Variants in PLSCR1 observed in about 807,000 individuals in gnomAD.
PLSCR1 encodes PL scramblase 1.
A neutral mutation model predicts 37.8 loss-of-function variants in PLSCR1; 17 were observed. That is an observed-to-expected ratio of 0.45 (90% CI 0.31 to 0.68). The LOEUF (loss-of-function observed/expected upper bound fraction) is 0.68. Ranked by LOEUF, PLSCR1 falls within the 30% of genes least tolerant of loss-of-function variation. The pLI is 0.06. For synonymous variants in PLSCR1, 116 were observed against 125.9 expected (o/e 0.92, Z 0.53); for missense variants, 347 against 380.9 (o/e 0.91, Z 0.74).
intron 7 of PLSCR1, among the ~76,000 whole-genome samples, chr3:146,521,068 T>C (rs1333624356): frequency 1.3e-5 from 2 of 152,052 alleles, no homozygotes; most frequent in Non-Finnish European, 2.9e-5. Flanking sequence ...AACTGGGTAG[T>C]ACATATTATA....
intron 2 of PLSCR1, among the ~76,000 whole-genome samples, chr3:146,534,854 C>T (rs1256701059): frequency 1.3e-5 from 2 of 151,946 alleles, no homozygotes; most frequent in Non-Finnish European, 2.9e-5. Context: ...CCAGCCTGGG[C>T]GACAGAGCGA....
Position 146,521,543 on chromosome 3 carries a change from C to T in PLSCR1, c.738+1G>A. ...CTTATAAACATTATGACATCTCTTA[C>T]CTCAAAATCAACATCTCCACAACAG... On this transcript the variant is annotated splice_donor_variant, in intron 7 of 8. Coordinates refer to ENST00000342435, the MANE Select transcript of PLSCR1 (RefSeq NM_021105.3). LOFTEE classifies it high-confidence loss of function. The T allele has an allele frequency of 6.2e-7, 1 of 1,611,408 alleles. No homozygotes were observed. Among genetic ancestry groups the T allele is most frequent in the Non-Finnish European group, 8.5e-7 (1 of 1,178,496 alleles).
chr3:146,522,218 A>G (rs939628939), intron 5 of PLSCR1, among the ~76,000 whole-genome samples, 165 bp from the exon 6 acceptor site: 1 of 152,112 alleles, frequency 6.6e-6, no homozygotes, highest in Non-Finnish European at 1.5e-5. Context: ...AAAATGGCAA[A>G]AAAAAGGAGA....
Position 146,523,422 on chromosome 3 carries a change from T to C in PLSCR1, c.356-1369A>G, listed in dbSNP as rs140252570. Among the ~76,000 whole-genome samples the C allele has an allele frequency of 5.0e-4, 76 of 152,362 alleles. 1 individual carries two copies. The highest frequency in any genetic ancestry group is 1.7e-3 in the African/African-American group (69 of 41,588). ...AGGGGAATATAAGAGGATTGCTGTT[T>C]ATGTGCTATGAAATTTTATATTAAA... On this transcript the variant is annotated intron_variant, in intron 5 of 8. Coordinates refer to ENST00000342435, the MANE Select transcript of PLSCR1 (RefSeq NM_021105.3).
chr3:146,536,329 G>A (rs2587021), intron 2 of PLSCR1, among the ~76,000 whole-genome samples: 1 of 151,892 alleles, frequency 6.6e-6, no homozygotes, highest in African/African-American at 2.4e-5. Flanking sequence ...AAAGGCTTTC[G>A]TATTTTTAAT....
chr3:146,531,866 G>C (rs185279654), intron 3 of PLSCR1, among the ~76,000 whole-genome samples: 33 of 152,092 alleles, frequency 2.2e-4, no homozygotes, highest in Middle Eastern at 3.4e-3. Context: ...TTACCTATAC[G>C]AATTTTTTTT....
At chr3:146,535,224 C>T (rs1337214720) in intron 2 of PLSCR1, among the ~76,000 whole-genome samples, 1 of 151,948 alleles carries the variant, frequency 6.6e-6, no homozygotes, top group Admixed American at 6.6e-5. Context: ...TAATAAGCAA[C>T]ATTGTTTGAA....
chr3:146,523,416 G>T (rs1187952178), intron 5 of PLSCR1, among the ~76,000 whole-genome samples: 6 of 152,166 alleles, frequency 3.9e-5, no homozygotes. Context: ...TAAGAGGATT[G>T]CTGTTTATGT....
intron 7 of PLSCR1, among the ~76,000 whole-genome samples, chr3:146,519,728 T>C (rs775869674): frequency 6.6e-6 from 1 of 152,270 alleles, no homozygotes; most frequent in African/African-American, 2.4e-5. Context: ...CTGACCTAGA[T>C]GTGTATTAGT....
chr3:146,538,108 A>G (rs1372280048), intron 1 of PLSCR1: 2 of 152,140 alleles, frequency 1.3e-5, no homozygotes, highest in Admixed American at 1.3e-4. Context: ...GACAATAGGA[A>G]TCTCAGTTTG....
chr3:146,537,961 C>G (rs182192266), intron 1 of PLSCR1: 35 of 152,268 alleles, frequency 2.3e-4, no homozygotes, highest in Admixed American at 2.1e-3. Context: ...GTCTTAAGAA[C>G]ATTCCAATTA....
intron 5 of PLSCR1, among the ~76,000 whole-genome samples, chr3:146,524,033 G>A (rs1429946006): frequency 6.6e-6 from 1 of 152,176 alleles, no homozygotes; most frequent in Non-Finnish European, 1.5e-5. Flanking sequence ...ACTCCTTTAA[G>A]TGTCCTTGGT....
At chr3:146,537,118 A>AT (rs35815954) in intron 1 of PLSCR1, among the ~76,000 whole-genome samples, 4,269 of 146,844 alleles carry the variant, frequency 0.029, 84 homozygotes, top group Middle Eastern at 0.098. Context: ...GCATTCAGAG[A>AT]TTTTTTTTTT....
intron 7 of PLSCR1, among the ~76,000 whole-genome samples, chr3:146,520,945 G>A (rs2044010071): frequency 6.6e-6 from 1 of 152,070 alleles, no homozygotes; most frequent in African/African-American, 2.4e-5. Context: ...TTGTTGAAGA[G>A]CTACTCTAAT....
At chr3:146,537,710 C>T (rs1408508677) in intron 1 of PLSCR1, among the ~76,000 whole-genome samples, 2 of 151,896 alleles carry the variant, frequency 1.3e-5, no homozygotes, top group Non-Finnish European at 2.9e-5. Flanking sequence ...ACTGTCTCTA[C>T]TAAAAAAAAA....
chr3:146,533,418 C>T (rs2044225178), intron 3 of PLSCR1, 52 bp downstream of exon 3: 1 of 973,570 alleles, frequency 1.0e-6, no homozygotes, highest in Non-Finnish European at 1.6e-6. Context: ...CTCACTCTCT[C>T]TCTCTGTCTC....
intron 4 of PLSCR1, chr3:146,528,092 T>C (rs1388186528): frequency 2.0e-5 from 3 of 152,432 alleles, no homozygotes; most frequent in African/African-American, 7.2e-5. Flanking sequence ...GGGCCACTTA[T>C]TGAAACTCAA....
In PLSCR1 at chr3:146,525,628, T is replaced by C. The variant is rs1268603635; in HGVS notation, c.332A>G (p.His111Arg). 3 of 1,514,178 alleles carry C rather than the reference T, an allele frequency of 2.0e-6. No homozygotes were observed. In the South Asian group the frequency reaches 3.4e-5, roughly 17 times the overall value. 93.8% of individuals were successfully genotyped at this position (1,514,178 alleles called of 1,614,324 possible). A position where few individuals can be genotyped will look rare whatever the true frequency, so the allele number is the denominator to read the frequency against. Reference protein sequence around the residue: ...YLSQIDQILIHQQIELLEVLT... With the variant: ...YLSQIDQILIRQQIELLEVLT... ...ACCTTCCAGAAGTTCAATTTGCTGA[T>C]GAATCAGTATCTGATCTATCTATAG... is the stretch of plus-strand genomic sequence containing the variant. Residue 111 changes from histidine to arginine, a missense_variant, in exon 5 of 9, where the codon CAT becomes CGT. His to Arg is a conservative substitution (Grantham distance 29, BLOSUM62 0). Transcript: ENST00000342435.
At chr3:146,540,460 A>G (rs1017902050) in intron 1 of PLSCR1, among the ~76,000 whole-genome samples, 2 of 152,142 alleles carry the variant, frequency 1.3e-5, no homozygotes, top group Admixed American at 6.5e-5. Context: ...ATTACAGTGA[A>G]ACTCTTTTGA....
Sources: allele counts gnomAD v4.1 joint callset (sites outside exome capture counted in the v4.1 genomes callset), GRCh38; gene constraint gnomAD v4.1.1; transcripts MANE v1.5; gene names NCBI Gene and HGNC (gene_info 2026-07-23, HGNC 2026-07-21).